The following GALNT13 variants were observed in gnomAD, a reference collection of about 807,000 sequenced individuals.
GALNT13 encodes polypeptide N-acetylgalactosaminyltransferase 13, also known as UDP-GalNAc:polypeptide N-acetylgalactosaminyltransferase 13.
GALNT13 carries 28 observed loss-of-function variants against 64.2 expected under a neutral mutation model. The ratio of observed to expected loss-of-function variants is 0.44; its 90% CI spans 0.32 to 0.60. The LOEUF (loss-of-function observed/expected upper bound fraction) is 0.60. Among genes scored for constraint, GALNT13 ranks in the 20% least tolerant of loss-of-function variants. GALNT13 has a pLI of 0.05. For missense variants in GALNT13, 577 were observed against 669.8 expected (o/e 0.86, Z 1.53); for synonymous variants, 214 against 224.6 (o/e 0.95, Z 0.42).
the GALNT13 span, chr2:153,337,707 A>C: frequency 6.6e-6 from 1 of 152,230 alleles, no homozygotes; most frequent in South Asian, 2.1e-4. Flanking sequence ...ATTCACAGCG[A>C]TGGGAGACCT....
At chr2:154,245,104 A>AAAATAAATAAAT (rs61010587) in intron 6 of GALNT13, among the ~76,000 whole-genome samples, 7,327 of 137,726 alleles carry the variant, frequency 0.053, 252 homozygotes, top group Middle Eastern at 0.099. Context: ...AGGCTCTGTC[A>AAAATAAATAAAT]AAATAAATAA....
intron 2 of GALNT13, among the ~76,000 whole-genome samples, chr2:153,906,863 CA>C (rs1473584993): frequency 6.6e-6 from 1 of 151,676 alleles, no homozygotes; most frequent in African/African-American, 2.4e-5. Flanking sequence ...GTCCCACCAA[CA>C]GTGTAAAAGT....
At chr2:153,255,558 C>G in the GALNT13 span, among the ~76,000 whole-genome samples, 1 of 151,094 alleles carries the variant, frequency 6.6e-6, no homozygotes, top group South Asian at 2.1e-4. Context: ...CAGTTTCTTC[C>G]TAGTCTCGAT....
chr2:153,913,353 T>C (rs1305767009), intron 2 of GALNT13, among the ~76,000 whole-genome samples: 1 of 152,046 alleles, frequency 6.6e-6, no homozygotes, highest in Non-Finnish European at 1.5e-5. Context: ...CACACACATA[T>C]GGTGGCAGGG....
chr2:153,213,067 AC>A, the GALNT13 span, among the ~76,000 whole-genome samples: 2 of 152,224 alleles, frequency 1.3e-5, no homozygotes, highest in Non-Finnish European at 2.9e-5. Context: ...TGTATCGAGT[AC>A]CTACTATGGT....
intron 9 of GALNT13, among the ~76,000 whole-genome samples, chr2:154,375,850 G>T (rs1339916300): frequency 6.6e-6 from 1 of 152,150 alleles, no homozygotes; most frequent in Non-Finnish European, 1.5e-5. Flanking sequence ...TCCATCTACT[G>T]GATACTTTGA....
chr2:153,801,583 C>A, the GALNT13 span, among the ~76,000 whole-genome samples: 97 of 152,146 alleles, frequency 6.4e-4, 1 homozygote, highest in East Asian at 0.015. Context: ...ATTCATGGCA[C>A]CCCAAAAGAG....
the GALNT13 span, among the ~76,000 whole-genome samples, chr2:153,702,871 T>C: frequency 1.3e-5 from 2 of 152,120 alleles, no homozygotes; most frequent in East Asian, 3.9e-4. Flanking sequence ...ATTAAAGGCA[T>C]GAAACCAGGT....
the GALNT13 span, among the ~76,000 whole-genome samples, chr2:153,568,164 A>C: frequency 6.6e-6 from 1 of 152,212 alleles, no homozygotes. Flanking sequence ...TTAAACTTCA[A>C]ATGTTAACGT....
chr2:153,180,591 A>C, the GALNT13 span, among the ~76,000 whole-genome samples: 1 of 152,152 alleles, frequency 6.6e-6, no homozygotes, highest in Admixed American at 6.5e-5. Context: ...GAGTTTGTTA[A>C]GTATTGGCAT....
chr2:154,200,053 A>AT (rs1457079951), intron 4 of GALNT13, among the ~76,000 whole-genome samples: 1 of 152,092 alleles, frequency 6.6e-6, no homozygotes, highest in East Asian at 1.9e-4. Context: ...TAATTTATTT[A>AT]TTTTTTGTGA....
At chr2:153,211,519 A>C in the GALNT13 span, among the ~76,000 whole-genome samples, 1 of 152,214 alleles carries the variant, frequency 6.6e-6, no homozygotes, top group East Asian at 1.9e-4. Flanking sequence ...CAGAAAAGCA[A>C]CCATGTTTAT....
At chr2:154,063,612 C>T (rs1013715086) in intron 3 of GALNT13, among the ~76,000 whole-genome samples, 3 of 151,724 alleles carry the variant, frequency 2.0e-5, no homozygotes, top group South Asian at 2.1e-4. Context: ...AATCAATGGC[C>T]CCATCATTAT....
At chr2:153,983,731 ATC>A (rs1694618461) in intron 3 of GALNT13, among the ~76,000 whole-genome samples, 1 of 151,972 alleles carries the variant, frequency 6.6e-6, no homozygotes, top group African/African-American at 2.4e-5. Context: ...TTGGCATTCT[ATC>A]TCATTACATA....
At chr2:153,255,766 C>G in the GALNT13 span, among the ~76,000 whole-genome samples, 1 of 152,082 alleles carries the variant, frequency 6.6e-6, no homozygotes, top group Non-Finnish European at 1.5e-5. Context: ...GTTGAAAATT[C>G]TTTTCTTTAA....
intron 9 of GALNT13, among the ~76,000 whole-genome samples, chr2:154,385,550 T>TA (rs1698472951): frequency 6.6e-6 from 1 of 152,054 alleles, no homozygotes; most frequent in Non-Finnish European, 1.5e-5. Context: ...TTAATAAAGT[T>TA]ATTTAACCAT....
chr2:153,104,162 A>G, the GALNT13 span, among the ~76,000 whole-genome samples: 1 of 152,154 alleles, frequency 6.6e-6, no homozygotes, highest in African/African-American at 2.4e-5. Flanking sequence ...CAAAATTTTG[A>G]GTTATATGCT....
intron 3 of GALNT13, among the ~76,000 whole-genome samples, chr2:153,982,605 A>G (rs1487342538): frequency 6.6e-6 from 1 of 152,052 alleles, no homozygotes; most frequent in Non-Finnish European, 1.5e-5. Flanking sequence ...TATAGGTGAG[A>G]AGCTTAACTA....
intron 3 of GALNT13, among the ~76,000 whole-genome samples, chr2:154,019,602 C>CCACA (rs67316542): frequency 3.8e-3 from 480 of 126,518 alleles, no homozygotes; most frequent in African/African-American, 6.6e-3. Flanking sequence ...GAGTAAGACT[C>CCACA]CACACACACA....
Sources: allele counts gnomAD v4.1 joint callset (sites outside exome capture counted in the v4.1 genomes callset), GRCh38; gene constraint gnomAD v4.1.1; transcripts MANE v1.5; gene names NCBI Gene and HGNC (gene_info 2026-07-23, HGNC 2026-07-21).